CPED1: variants seen among roughly 807,000 people sequenced by gnomAD.
The protein encoded by CPED1 is cadherin-like and PC-esterase domain-containing protein 1.
A neutral mutation model predicts 128.2 loss-of-function variants in CPED1; 114 were observed. That is an observed-to-expected ratio of 0.89 (90% confidence interval 0.76 to 1.04). CPED1 has a LOEUF of 1.04. Ranked by LOEUF, CPED1 falls within the 50% of genes least tolerant of loss-of-function variation. The pLI is 0.00. For synonymous variants in CPED1, 462 were observed against 426.7 expected (o/e 1.08, Z -1.02); for missense variants, 1,211 against 1,207.1 (o/e 1.00, Z -0.05).
chr7:121,065,127 C>T (rs1402890661), intron 5 of CPED1, among the ~76,000 whole-genome samples: 1 of 152,128 alleles, frequency 6.6e-6, no homozygotes, highest in African/African-American at 2.4e-5. Flanking sequence ...CATCAACTTT[C>T]CCATTGGGGT....
chr7:121,231,366 G>T (rs1798136257), intron 16 of CPED1, among the ~76,000 whole-genome samples: 1 of 152,060 alleles, frequency 6.6e-6, no homozygotes, highest in South Asian at 2.1e-4. Flanking sequence ...TGTCTAATGG[G>T]TTCTAATTTT....
chr7:121,129,653 C>G (rs546104195), intron 11 of CPED1, among the ~76,000 whole-genome samples: 3 of 151,804 alleles, frequency 2.0e-5, no homozygotes, highest in Admixed American at 6.6e-5. Context: ...TGAGGAAGAA[C>G]TAAATAATTA....
intron 3 of CPED1, among the ~76,000 whole-genome samples, chr7:121,026,122 G>T (rs1296651001): frequency 6.6e-6 from 1 of 152,072 alleles, no homozygotes; most frequent in Non-Finnish European, 1.5e-5. Flanking sequence ...TTAAAAACTT[G>T]TTAATTTCAG....
At chr7:121,057,575 T>C (rs574209397) in intron 4 of CPED1, among the ~76,000 whole-genome samples, 1 of 152,358 alleles carries the variant, frequency 6.6e-6, no homozygotes, top group South Asian at 2.1e-4. Flanking sequence ...ATAATGGCTT[T>C]ACACTAAATT....
intron 22 of CPED1, among the ~76,000 whole-genome samples, chr7:121,274,516 A>T (rs1792295944): frequency 6.6e-6 from 1 of 152,124 alleles, no homozygotes; most frequent in Non-Finnish European, 1.5e-5. Context: ...GAGTAGTGTT[A>T]TCTATTTTGA....
intron 3 of CPED1, among the ~76,000 whole-genome samples, chr7:121,027,396 G>A (rs991337018): frequency 5.9e-5 from 9 of 151,862 alleles, no homozygotes; most frequent in East Asian, 1.9e-4. Context: ...AAACAATGTC[G>A]TGCATATACC....
At chr7:121,085,697 C>T (rs1794406361) in intron 5 of CPED1, among the ~76,000 whole-genome samples, 2 of 152,156 alleles carry the variant, frequency 1.3e-5, no homozygotes, top group South Asian at 2.1e-4. Context: ...CAGTGGACTC[C>T]TTATTGAACA....
Position 121,039,066 on chromosome 7 carries a change from C to T in CPED1, c.434-7821C>T, listed in dbSNP as rs191556258. ...GAAAGGTGTCACCATGTGCCATTCA[C>T]GCTAAAGTAGTAAGAACTTATGCTC... On this transcript the variant is annotated intron_variant, in intron 3 of 22. Transcript: ENST00000310396. Among the ~76,000 whole-genome samples the T allele has an allele frequency of 4.1e-4, 62 of 152,126 alleles. No homozygotes were observed. In the Middle Eastern group the frequency reaches 0.014, roughly 33 times the overall value.
chr7:121,213,269 G>A (rs1035606618), intron 16 of CPED1, among the ~76,000 whole-genome samples: 1 of 151,962 alleles, frequency 6.6e-6, no homozygotes, highest in Non-Finnish European at 1.5e-5. Context: ...CATTTATTAA[G>A]CTGTGTGCCT....
intron 6 of CPED1, among the ~76,000 whole-genome samples, chr7:121,098,117 A>G (rs1055083812): frequency 6.6e-6 from 1 of 152,166 alleles, no homozygotes; most frequent in Non-Finnish European, 1.5e-5. Flanking sequence ...CAAAACTATA[A>G]AATTTTAACT....
intron 16 of CPED1, among the ~76,000 whole-genome samples, chr7:121,215,383 T>G (rs1797739098): frequency 6.6e-6 from 1 of 151,980 alleles, no homozygotes; most frequent in Non-Finnish European, 1.5e-5. Context: ...GAAAGTAAAG[T>G]CTATGAGCAA....
chr7:121,106,913 A>G (rs375326213), intron 7 of CPED1, among the ~76,000 whole-genome samples: 1 of 152,172 alleles, frequency 6.6e-6, no homozygotes, highest in Admixed American at 6.6e-5. Flanking sequence ...AAAATAAACA[A>G]GTGTTTAGAG....
At chr7:121,225,176 C>CA (rs1169829979) in intron 16 of CPED1, among the ~76,000 whole-genome samples, 1 of 152,060 alleles carries the variant, frequency 6.6e-6, no homozygotes, top group Non-Finnish European at 1.5e-5. Flanking sequence ...CTGGTGGTGA[C>CA]AAAATCTCTC....
At chr7:121,189,061 A>T (rs1026520360) in intron 16 of CPED1, among the ~76,000 whole-genome samples, 1 of 152,180 alleles carries the variant, frequency 6.6e-6, no homozygotes, top group African/African-American at 2.4e-5. Flanking sequence ...ACTATGCCTT[A>T]TAGCAGGATC....
intron 16 of CPED1, among the ~76,000 whole-genome samples, chr7:121,217,893 G>A (rs189209834): frequency 2.2e-4 from 34 of 152,104 alleles, no homozygotes; most frequent in African/African-American, 8.2e-4. Context: ...GTGTGTACCT[G>A]TGTGTGTGCC....
chr7:121,287,507 G>T (rs1170528521), intron 22 of CPED1, among the ~76,000 whole-genome samples: 1 of 152,132 alleles, frequency 6.6e-6, no homozygotes, highest in Non-Finnish European at 1.5e-5. Context: ...GTAACCACTA[G>T]CACTCCTTCA....
intron 14 of CPED1, among the ~76,000 whole-genome samples, chr7:121,137,609 T>C (rs1795812859): frequency 6.6e-6 from 1 of 152,124 alleles, no homozygotes; most frequent in Admixed American, 6.6e-5. Flanking sequence ...TATAGTTTAA[T>C]AGAATTAACG....
At chr7:121,255,582 A>G (rs1791818587) in intron 18 of CPED1, among the ~76,000 whole-genome samples, 1 of 152,088 alleles carries the variant, frequency 6.6e-6, no homozygotes, top group Non-Finnish European at 1.5e-5. Flanking sequence ...AGGCAGAGAA[A>G]GAAATAAATG....
chr7:120,989,631 C>A lies in CPED1; in HGVS notation c.10C>A (p.Arg4Ser). The change falls in exon 2 of 23, where the codon CGC becomes AGC. Residue 4 changes from arginine (R) to serine (S), a missense_variant. Arg to Ser is a moderately radical substitution (Grantham distance 110). Transcript: ENST00000310396. Reference protein sequence around the residue: MVCRPVFPCRRRFC... With the variant: MVCSPVFPCRRRFC... ...TGAAGCTGAACTGGTCATGGTCTGT[C>A]GCCCAGTGTTCCCTTGTCGTCGGCG... is the stretch of plus-strand genomic sequence containing the variant. 3 of 1,613,888 alleles carry A rather than the reference C, an allele frequency of 1.9e-6. No individual in the cohort carries two copies. The highest frequency in any genetic ancestry group is 2.5e-6 in the Non-Finnish European group (3 of 1,179,990).
Sources: allele counts gnomAD v4.1 joint callset (sites outside exome capture counted in the v4.1 genomes callset), GRCh38; gene constraint gnomAD v4.1.1; transcripts MANE v1.5; gene names NCBI Gene and HGNC (gene_info 2026-07-23, HGNC 2026-07-21).